RDH13: variants seen among roughly 807,000 people sequenced by gnomAD.
RDH13 encodes retinol dehydrogenase 13 (all-trans and 9-cis).
A neutral mutation model predicts 28.3 loss-of-function variants in RDH13; 35 were observed. The observed-to-expected ratio is 1.24, with a 90% CI of 0.95 to 1.64. The LOEUF (loss-of-function observed/expected upper bound fraction) is 1.64, where lower values mean the gene tolerates loss of function less well. RDH13 is among the 40% of genes most tolerant of loss of function. The pLI is 0.00. For synonymous variants in RDH13, 229 were observed against 198.5 expected, an observed-to-expected ratio of 1.15 and a Z score of -1.29; for missense variants, 514 against 446.3, an observed-to-expected ratio of 1.15 and a Z score of -1.37.
At chr19:55,039,368 C>T (rs568628283), downstream of RDH13, 1 of 152,286 alleles carries the variant, frequency 6.6e-6, no homozygotes, top group Admixed American at 6.5e-5. Flanking sequence ...CCCATCTCTA[C>T]TAAAAATACA....
chr19:55,047,498 A>C lies in RDH13; in HGVS notation c.659-10T>G. 6.2e-7 allele frequency: 1 copy of C among 1,600,362 alleles called. No individual in the cohort carries two copies. Among genetic ancestry groups the C allele is most frequent in the South Asian group, 1.1e-5 (1 of 90,230 alleles). On this transcript the variant is annotated splice_polypyrimidine_tract_variant and intron_variant, in intron 5 of 6. Transcript: ENST00000415061. Reference sequence around the variant, plus strand: ...ACAGTCACACCAGAGCCTGGGGAAGAAAGAAAGAGAAGACTGAGGGAGGGG... The same window carrying C: ...ACAGTCACACCAGAGCCTGGGGAAGCAAGAAAGAGAAGACTGAGGGAGGGG...
upstream of RDH13, among the ~76,000 whole-genome samples, chr19:55,064,851 G>C (rs565564139): frequency 1.1e-4 from 17 of 149,950 alleles, no homozygotes; most frequent in African/African-American, 3.4e-4. Flanking sequence ...GACCTCAGGT[G>C]ATCCACCTGC....
chr19:55,056,744 G>A lies in RDH13; in HGVS notation c.249C>T (p.Arg83=), dbSNP rs756106983. ...TGACATGGTGATTGAGGGTCTCCCC[G>A]CGGATGTCCTTTGCTGCCGCCTCAC... The part of the protein sequence containing the change: ...EKCEAAAKDI[R]GETLNHHVNA... The change falls in exon 3 of 7, where the codon CGC becomes CGT. Residue 83 remains arginine, a synonymous_variant. Transcript: ENST00000415061. 29 of 1,613,940 alleles carry A rather than the reference G, an allele frequency of 1.8e-5. No homozygotes were observed. Among genetic ancestry groups the A allele is most frequent in the South Asian group, 6.6e-5 (6 of 91,070 alleles).
At chr19:55,064,900 A>C (rs2075930780), upstream of RDH13, among the ~76,000 whole-genome samples, 4 of 146,072 alleles carry the variant, frequency 2.7e-5, no homozygotes, top group Non-Finnish European at 5.9e-5. Context: ...GGCATGAGCC[A>C]CCGCACCCGG....
chr19:55,057,968 G>A (rs1438527085), intron 2 of RDH13, among the ~76,000 whole-genome samples: 3 of 151,718 alleles, frequency 2.0e-5, no homozygotes, highest in Non-Finnish European at 2.9e-5. Flanking sequence ...AGAGATGGGG[G>A]TGTTGCTATG....
chr19:55,059,784 T>C (rs139253496), intron 1 of RDH13, among the ~76,000 whole-genome samples: 4,027 of 152,304 alleles, frequency 0.026, 170 homozygotes, highest in African/African-American at 0.09. Context: ...CTTTGAACAA[T>C]TGCTTTGCTG....
chr19:55,045,927 C>T (rs964867380), intron 6 of RDH13, among the ~76,000 whole-genome samples: 6 of 109,032 alleles, frequency 5.5e-5, no homozygotes, highest in African/African-American at 2.2e-4. Context: ...GCCTGGGTGA[C>T]AATAGCAAGA....
At chr19:55,046,611 T>A (rs1260905619) in intron 6 of RDH13, 1 of 151,996 alleles carries the variant, frequency 6.6e-6, no homozygotes, top group Non-Finnish European at 1.5e-5. Context: ...TTTTTCAGGA[T>A]TATAAACACT....
chr19:55,059,029 A>C, intron 2 of RDH13, 128 bp downstream of exon 2: 3 of 665,108 alleles, frequency 4.5e-6, no homozygotes, highest in Non-Finnish European at 8.0e-6. Context: ...TATAGAAGCC[A>C]CATTCTGTTT....
At chr19:55,040,659 CGT>C (rs990397259), downstream of RDH13, 21 of 152,276 alleles carry the variant, frequency 1.4e-4, no homozygotes, top group African/African-American at 4.6e-4. Flanking sequence ...GAATTTTAAA[CGT>C]GTTAATAAAA....
intron 5 of RDH13, 65 bp from the exon 6 acceptor site, chr19:55,047,553 C>G: frequency 6.5e-7 from 1 of 1,534,488 alleles, no homozygotes; most frequent in Non-Finnish European, 8.7e-7. Flanking sequence ...CTGTGGCAGC[C>G]CACACCCAGC....
At chr19:55,062,343 T>G (rs2075833049) in intron 1 of RDH13, among the ~76,000 whole-genome samples, 1 of 152,068 alleles carries the variant, frequency 6.6e-6, no homozygotes, top group Non-Finnish European at 1.5e-5. Context: ...AAGGGCACCA[T>G]GCAATACAGT....
chr19:55,048,839 T>C (rs745761924), intron 3 of RDH13, 76 bp from the exon 4 acceptor site: 121 of 1,264,462 alleles, frequency 9.6e-5, no homozygotes, highest in Non-Finnish European at 1.3e-4. Flanking sequence ...GAAACACTCC[T>C]GTGCTCCCAC....
Position 55,056,818 on chromosome 19 carries a change from C to T in RDH13, c.185-10G>A. 2 of 1,611,258 alleles carry T rather than the reference C, an allele frequency of 1.2e-6. No individual in the cohort carries two copies. Among genetic ancestry groups the T allele is most frequent in the Non-Finnish European group, 1.7e-6 (2 of 1,178,330 alleles). On this transcript the variant is annotated splice_polypyrimidine_tract_variant and intron_variant, in intron 2 of 6. Transcript: ENST00000415061. ...AGGATGATGTTGCCTCCTGAAAACCCAGGATGGAAAAAGATTTAAATTAAT... is the reference window on the plus strand; with the variant it reads ...AGGATGATGTTGCCTCCTGAAAACCTAGGATGGAAAAAGATTTAAATTAAT...
chr19:55,050,766 ACACAATGGAATT>A (rs1337443856), intron 3 of RDH13: 2 of 152,120 alleles, frequency 1.3e-5, no homozygotes, highest in Non-Finnish European at 1.5e-5. Flanking sequence ...GGGGTGGAGG[ACACAATGGAATT>A]CATAATGCTC....
chr19:55,066,457 CTCTCTTCCTCT>C (rs1294439115), upstream of RDH13, among the ~76,000 whole-genome samples: 4 of 112,376 alleles, frequency 3.6e-5, no homozygotes, highest in Non-Finnish European at 8.5e-5. Context: ...CTCTCTCCCT[CTCTCTTCCTCT>C]CTCTCTTCCT....
upstream of RDH13, among the ~76,000 whole-genome samples, chr19:55,066,978 T>A (rs1286540029): frequency 6.6e-6 from 1 of 152,166 alleles, no homozygotes; most frequent in African/African-American, 2.4e-5. Context: ...CACCAAGGCC[T>A]GTGCAGATGG....
Position 55,048,539 on chromosome 19 carries a change from G to T in RDH13, c.448C>A (p.His150Asn), listed in dbSNP as rs750599449. The change falls in exon 5 of 7, where the codon CAC becomes AAC. Residue 150 changes from histidine (H) to asparagine (N), a missense_variant and splice_region_variant. By Grantham distance (68) the His-to-Asn change is moderately conservative. Coordinates refer to ENST00000415061, the MANE Select transcript of RDH13 (RefSeq NM_001145971.2). Reference sequence around the variant, plus strand: ...AGCAGCAAGTTTGTCAAGAGAAAGTGACCTGGATTAAGGATGATGAAAAGG... The same window carrying T: ...AGCAGCAAGTTTGTCAAGAGAAAGTTACCTGGATTAAGGATGATGAAAAGG... ...EMQFGVNHLG[H>N]FLLTNLLLDK... The T allele has an allele frequency of 1.2e-6, 2 of 1,614,150 alleles. No individual in the cohort carries two copies.
chr19:55,063,267 ATTG>A (rs2075870219), upstream of RDH13: 2 of 394,550 alleles, frequency 5.1e-6, no homozygotes, highest in African/African-American at 4.2e-5. Context: ...CACAGCTGGG[ATTG>A]GTGGTTTCAG....
Sources: gnomAD v4.1 joint callset for allele counts (sites outside exome capture counted in the v4.1 genomes callset) on GRCh38, gnomAD v4.1.1 for gene constraint, MANE v1.5 for transcripts, NCBI Gene and HGNC (gene_info 2026-07-23, HGNC 2026-07-21) for gene names.